HTR2C: variants seen among roughly 807,000 people sequenced by gnomAD.
The protein encoded by HTR2C is 5-hydroxytryptamine receptor 2C.
HTR2C carries 5 observed loss-of-function variants against 21.0 expected under a neutral mutation model. The ratio of observed to expected loss-of-function variants is 0.24; its 90% CI spans 0.12 to 0.50. The LOEUF is 0.50. Ranked by LOEUF, HTR2C falls within the 20% of genes least tolerant of loss-of-function variation. The probability of loss-of-function intolerance (pLI) is 0.98; values close to 1 mark genes in which losing one functional copy is unlikely to be tolerated. For synonymous variants in HTR2C, 150 were observed against 145.3 expected (o/e 1.03, Z -0.23); for missense variants, 271 against 371.2 (o/e 0.73, Z 2.22).
At chrX:114,770,657 C>T (rs1200439536) in intron 4 of HTR2C, among the ~76,000 whole-genome samples, 1 of 110,331 alleles carries the variant, frequency 9.1e-6, no homozygotes, top group Non-Finnish European at 1.9e-5. Flanking sequence ...TTCTTTAGTT[C>T]TTTAAACATA....
intron 4 of HTR2C, among the ~76,000 whole-genome samples, chrX:114,771,697 G>A (rs2070005642): frequency 8.9e-6 from 1 of 111,785 alleles, no homozygotes; most frequent in Non-Finnish European, 1.9e-5. Flanking sequence ...CATTACCGAT[G>A]TATTCCTTTT....
intron 4 of HTR2C, chrX:114,775,860 C>A: frequency 2.6e-6 from 1 of 381,450 alleles, no homozygotes; most frequent in South Asian, 3.7e-5. Context: ...TGGAACAGGT[C>A]AGCATTCAGT....
intron 2 of HTR2C, among the ~76,000 whole-genome samples, chrX:114,662,756 A>G (rs2147842826): frequency 8.9e-6 from 1 of 111,935 alleles, no homozygotes; most frequent in South Asian, 3.7e-4. Context: ...TTTTGAAATT[A>G]TCAGTGAATC....
chrX:114,807,433 C>A (rs919845702), intron 4 of HTR2C, among the ~76,000 whole-genome samples: 1 of 81,546 alleles, frequency 1.2e-5, no homozygotes, highest in East Asian at 4.2e-4. Context: ...CATATATATA[C>A]GCCATATATA....
intron 4 of HTR2C, among the ~76,000 whole-genome samples, chrX:114,807,432 A>G (rs991091517): frequency 2.4e-5 from 2 of 84,890 alleles, no homozygotes; most frequent in African/African-American, 4.3e-5. Flanking sequence ...CCATATATAT[A>G]CGCCATATAT....
chrX:114,741,353 T>G (rs1480774924), intron 4 of HTR2C, among the ~76,000 whole-genome samples: 1 of 103,820 alleles, frequency 9.6e-6, no homozygotes, highest in East Asian at 3.1e-4. Context: ...ACCCCATCTC[T>G]ATTAAAAATA....
At chrX:114,732,637 T>A (rs1390972297) in intron 4 of HTR2C, among the ~76,000 whole-genome samples, 1 of 111,798 alleles carries the variant, frequency 8.9e-6, no homozygotes, top group Non-Finnish European at 1.9e-5. Flanking sequence ...TTTCATATTC[T>A]TCATCGAGTT....
chrX:114,633,301 G>C (rs1164564287), intron 2 of HTR2C, among the ~76,000 whole-genome samples: 1 of 111,933 alleles, frequency 8.9e-6, no homozygotes, highest in Non-Finnish European at 1.9e-5. Context: ...TTGTGATAAA[G>C]ACTATGAATT....
intron 2 of HTR2C, among the ~76,000 whole-genome samples, chrX:114,645,859 T>C (rs1191230056): frequency 7.2e-5 from 8 of 111,881 alleles, no homozygotes; most frequent in African/African-American, 1.9e-4. Flanking sequence ...AAAAAGTTGT[T>C]AAAATATAAG....
intron 2 of HTR2C, among the ~76,000 whole-genome samples, chrX:114,660,280 T>C (rs1930937708): frequency 8.9e-6 from 1 of 112,339 alleles, no homozygotes. Context: ...TTACAGATTC[T>C]CTTACTCATT....
intron 2 of HTR2C, among the ~76,000 whole-genome samples, chrX:114,666,798 A>C (rs1931194623): frequency 8.9e-6 from 1 of 111,795 alleles, no homozygotes; most frequent in African/African-American, 3.2e-5. Context: ...AAATAGCAAT[A>C]TTGGATCTTT....
intron 2 of HTR2C, among the ~76,000 whole-genome samples, chrX:114,617,593 A>G (rs1242149768): frequency 8.9e-6 from 1 of 112,356 alleles, no homozygotes; most frequent in Admixed American, 9.5e-5. Flanking sequence ...CACATCTTTG[A>G]TTTAAAAATG....
chrX:114,623,906 G>GTTGT, intron 2 of HTR2C, among the ~76,000 whole-genome samples: 1 of 69,381 alleles, frequency 1.4e-5, no homozygotes, highest in Non-Finnish European at 2.5e-5. Context: ...TTTTGTTGTT[G>GTTGT]TTTTTTTTTT....
At chrX:114,595,306 C>T (rs997059944) in intron 1 of HTR2C, among the ~76,000 whole-genome samples, 8 of 110,852 alleles carry the variant, frequency 7.2e-5, no homozygotes, top group African/African-American at 2.0e-4. Context: ...CAACCCCGAA[C>T]TCCTGGGCTC....
intron 5 of HTR2C, among the ~76,000 whole-genome samples, chrX:114,886,784 A>G (rs1170053674): frequency 5.4e-5 from 6 of 111,306 alleles, no homozygotes; most frequent in Non-Finnish European, 7.5e-5. Flanking sequence ...ATTCATATTT[A>G]TGTCTTTTGT....
intron 4 of HTR2C, among the ~76,000 whole-genome samples, chrX:114,833,433 GTGTA>G (rs1314426181): frequency 1.8e-5 from 2 of 111,015 alleles, no homozygotes; most frequent in African/African-American, 6.5e-5. Flanking sequence ...TCTTGTGAGA[GTGTA>G]TGTGTCGAGG....
chrX:114,773,284 C>G (rs2070024048), intron 4 of HTR2C, among the ~76,000 whole-genome samples: 2 of 111,227 alleles, frequency 1.8e-5, no homozygotes, highest in Admixed American at 1.9e-4. Context: ...TTTCCTCCCA[C>G]TCAAATCTCA....
intron 2 of HTR2C, among the ~76,000 whole-genome samples, chrX:114,633,938 A>ATG (rs1929737302): frequency 1.7e-4 from 6 of 36,086 alleles, no homozygotes; most frequent in Non-Finnish European, 2.1e-4. Context: ...ATGTGTATAT[A>ATG]TATATATATA....
intron 4 of HTR2C, among the ~76,000 whole-genome samples, chrX:114,767,138 A>C (rs1008425228): frequency 2.7e-5 from 3 of 111,473 alleles, no homozygotes; most frequent in Non-Finnish European, 3.8e-5. Context: ...GAGCATGTAC[A>C]ATTGCAAATT....
Sources: gnomAD v4.1 joint callset for allele counts (sites outside exome capture counted in the v4.1 genomes callset) on GRCh38, gnomAD v4.1.1 for gene constraint, MANE v1.5 for transcripts, NCBI Gene and HGNC (gene_info 2026-07-23, HGNC 2026-07-21) for gene names.